The following PACS1 variants were observed in gnomAD, a reference collection of about 807,000 sequenced individuals.
PACS1 encodes PACS-1.
In PACS1, 24 loss-of-function variants were observed where a neutral mutation model predicts 115.0. The observed-to-expected ratio is 0.21, with a 90% CI of 0.15 to 0.29. The LOEUF (loss-of-function observed/expected upper bound fraction) is 0.29, where lower values mean the gene tolerates loss of function less well. PACS1 is among the 10% of genes least tolerant of loss of function. The probability of loss-of-function intolerance (pLI) is 1.00; values close to 1 mark genes in which losing one functional copy is unlikely to be tolerated. For synonymous variants in PACS1, 453 were observed against 504.5 expected, an observed-to-expected ratio of 0.90 and a Z score of 1.37; for missense variants, 838 against 1,251.2, an observed-to-expected ratio of 0.67 and a Z score of 4.98.
intron 1 of PACS1, among the ~76,000 whole-genome samples, chr11:66,140,185 C>T (rs1273697773): frequency 6.6e-6 from 1 of 152,190 alleles, no homozygotes; most frequent in Non-Finnish European, 1.5e-5. Context: ...GATTCTGATT[C>T]AGCTGGCCTG....
intron 4 of PACS1, among the ~76,000 whole-genome samples, chr11:66,213,478 G>A (rs1390916521): frequency 1.3e-5 from 2 of 152,204 alleles, no homozygotes; most frequent in Non-Finnish European, 2.9e-5. Context: ...AGTAGAGGAT[G>A]GTGTTCAGAA....
At chr11:66,216,970 AAG>A in intron 7 of PACS1, 195 bp downstream of exon 7, 1 of 582,296 alleles carries the variant, frequency 1.7e-6, no homozygotes, top group South Asian at 2.0e-5. Context: ...AATTACTGAT[AAG>A]AGTGTTATAT....
intron 1 of PACS1, among the ~76,000 whole-genome samples, chr11:66,140,052 C>T (rs1188113575): frequency 6.6e-6 from 1 of 152,272 alleles, no homozygotes; most frequent in African/African-American, 2.4e-5. Context: ...AATCTGATAA[C>T]GTGGCTTTTG....
At chr11:66,241,705 C>A in intron 22 of PACS1, 52 bp downstream of exon 22, 2 of 1,415,914 alleles carry the variant, frequency 1.4e-6, no homozygotes, top group Non-Finnish European at 2.0e-6. Flanking sequence ...CCTCCCGTCT[C>A]GTCTCTCAGG....
chr11:66,165,561 A>G (rs1194097239), intron 1 of PACS1, among the ~76,000 whole-genome samples: 1 of 152,108 alleles, frequency 6.6e-6, no homozygotes, highest in Non-Finnish European at 1.5e-5. Flanking sequence ...GATGTGTCAA[A>G]CTTGCATGTC....
chr11:66,151,304 A>G (rs1010892038), intron 1 of PACS1, among the ~76,000 whole-genome samples: 1 of 152,022 alleles, frequency 6.6e-6, no homozygotes, highest in African/African-American at 2.4e-5. Flanking sequence ...AACTGTGAGC[A>G]GCGAAGCAGT....
rs1253940707 is a variant in PACS1 at position 66,233,237 on chromosome 11, G to A, written c.1838+171G>A. On this transcript the variant is annotated intron_variant, in intron 15 of 23. Coordinates refer to ENST00000320580, the MANE Select transcript of PACS1 (RefSeq NM_018026.4). This position sits in a 1 kb window ranked among gnomAD's most constrained non-coding sequence, Gnocchi z 4.5. ...AGCAGGCTGTAGGGCTTGAGGCCCC[G>A]GCAGACCCCAGAGGATCGGGGGTGG... Among the ~76,000 whole-genome samples, 9 of 152,156 alleles carry A rather than the reference G, an allele frequency of 5.9e-5. No homozygotes were observed. Among genetic ancestry groups the A allele is most frequent in the Non-Finnish European group, 1.5e-5 (1 of 68,036 alleles).
chr11:66,169,006 G>A (rs1252941000), intron 1 of PACS1, among the ~76,000 whole-genome samples: 1 of 146,202 alleles, frequency 6.8e-6, no homozygotes, highest in African/African-American at 2.6e-5. Flanking sequence ...TGTCTTTTTT[G>A]TTCTTTTACT....
chr11:66,189,414 T>C (rs1231568325), intron 1 of PACS1, among the ~76,000 whole-genome samples: 2 of 152,214 alleles, frequency 1.3e-5, no homozygotes. Flanking sequence ...ATTCAACAAA[T>C]ATTTATTGGT....
At chr11:66,170,215 T>C (rs1859703430) in intron 1 of PACS1, among the ~76,000 whole-genome samples, 1 of 150,534 alleles carries the variant, frequency 6.6e-6, no homozygotes, top group African/African-American at 2.5e-5. Flanking sequence ...TTAAGACTAA[T>C]ATATATATGC....
rs745557583 is a variant in PACS1 at position 66,221,175 on chromosome 11, G to T, written c.1221G>T (p.Ser407=). Residue 407 remains serine (S), a synonymous_variant, in exon 10 of 24, where the codon TCG becomes TCT. Coordinates refer to ENST00000320580, the MANE Select transcript of PACS1 (RefSeq NM_018026.4). The part of the protein sequence containing the change: ...PKLKPFFEGM[S]QSSSQTEIGS... The stretch of plus-strand genomic sequence containing the variant: ...ACAGGCCTTTCTTTGAGGGGATGTC[G>T]CAGTCCAGCTCCCAGACGGAGATTG... The T allele has an allele frequency of 1.2e-6, 2 of 1,614,020 alleles. No individual in the cohort carries two copies. The highest frequency in any genetic ancestry group is 1.1e-5 in the South Asian group (1 of 91,084).
intron 1 of PACS1, among the ~76,000 whole-genome samples, chr11:66,165,167 C>T (rs886626002): frequency 5.3e-5 from 8 of 152,204 alleles, no homozygotes; most frequent in African/African-American, 1.9e-4. Flanking sequence ...TTCATTCTGC[C>T]AGATCCGGTG....
chr11:66,162,595 C>T (rs1859517475), intron 1 of PACS1, among the ~76,000 whole-genome samples: 1 of 152,178 alleles, frequency 6.6e-6, no homozygotes, highest in Non-Finnish European at 1.5e-5. Context: ...CCTTTACAGG[C>T]CGCACAGCCC....
intron 1 of PACS1, among the ~76,000 whole-genome samples, chr11:66,112,130 C>G (rs534112234): frequency 6.6e-6 from 1 of 152,198 alleles, no homozygotes; most frequent in South Asian, 2.1e-4. Context: ...TCTACACTGC[C>G]GGCAGAGTGG....
intron 1 of PACS1, among the ~76,000 whole-genome samples, chr11:66,137,031 C>CT (rs892276706): frequency 5.3e-5 from 8 of 149,650 alleles, no homozygotes; most frequent in Non-Finnish European, 1.2e-4. Flanking sequence ...TGCCCCCCCC[C>CT]CCACCATTTC....
chr11:66,237,470 G>A (rs780317867), intron 19 of PACS1, among the ~76,000 whole-genome samples: 24 of 152,218 alleles, frequency 1.6e-4, no homozygotes, highest in Non-Finnish European at 2.9e-4. Flanking sequence ...TGCTTTCTGC[G>A]CATCCAAGAT....
chr11:66,136,553 G>A (rs1858851699), intron 1 of PACS1, among the ~76,000 whole-genome samples: 1 of 152,000 alleles, frequency 6.6e-6, no homozygotes, highest in South Asian at 2.1e-4. Context: ...CTTTTCCAGA[G>A]CGGATGTAGT....
intron 1 of PACS1, among the ~76,000 whole-genome samples, chr11:66,128,930 T>C (rs1253861592): frequency 1.4e-5 from 2 of 143,252 alleles, no homozygotes; most frequent in East Asian, 4.0e-4. Flanking sequence ...AAAGACGGAG[T>C]AGTGGTTGCC....
At chr11:66,168,718 A>G (rs999028415) in intron 1 of PACS1, among the ~76,000 whole-genome samples, 3 of 145,852 alleles carry the variant, frequency 2.1e-5, no homozygotes, top group Non-Finnish European at 4.5e-5. Context: ...TAGGTGTCTT[A>G]TTTTTTGTTG....
Sources: allele counts gnomAD v4.1 joint callset (sites outside exome capture counted in the v4.1 genomes callset), GRCh38; gene constraint gnomAD v4.1.1; non-coding constraint Gnocchi (gnomAD v3.1); transcripts MANE v1.5; gene names NCBI Gene and HGNC (gene_info 2026-07-23, HGNC 2026-07-21).